Variants in ARRDC3 observed in about 807,000 individuals in gnomAD.
ARRDC3 encodes the protein arrestin domain-containing protein 3.
Under a neutral mutation model 47.2 loss-of-function variants are expected in ARRDC3, and 10 were observed. That is an observed-to-expected ratio of 0.21 (90% CI 0.13 to 0.36). The LOEUF is 0.36. ARRDC3 is among the 10% of genes least tolerant of loss of function. The pLI is 1.00. For synonymous variants in ARRDC3, 156 were observed against 178.3 expected, an observed-to-expected ratio of 0.87 and a Z score of 1.00; for missense variants, 381 against 503.6, an observed-to-expected ratio of 0.76 and a Z score of 2.33.
chr5:91,382,018 ATC>A (rs1002717361), intron 1 of ARRDC3, among the ~76,000 whole-genome samples: 1 of 152,206 alleles, frequency 6.6e-6, no homozygotes, highest in Non-Finnish European at 1.5e-5. Flanking sequence ...ACAACCCTTT[ATC>A]TCTCTCTTCT....
intron 2 of ARRDC3, 53 bp from the exon 3 acceptor site, chr5:91,376,821 T>G (rs925489046): frequency 3.3e-6 from 5 of 1,503,500 alleles, no homozygotes; most frequent in Non-Finnish European, 4.5e-6. Flanking sequence ...TTCTAACAAT[T>G]ACACAGTAGG....
Position 91,375,013 on chromosome 5 carries a change from G to C in ARRDC3, c.779C>G (p.Thr260Arg). The C allele has an allele frequency of 1.2e-6, 2 of 1,614,220 alleles. No individual in the cohort carries two copies. The highest frequency in any genetic ancestry group is 1.7e-6 in the Non-Finnish European group (2 of 1,180,020). ...CAGCAACTTGCCATTCCACGTCTCT[G>C]TCTTTCCAGATGATAAGGATTCCCC... ...LRGESLSSGK[T>R]ETWNGKLLKI... The change falls in exon 5 of 8, where the codon ACA (threonine) becomes AGA (arginine). Residue 260 changes from threonine (T) to arginine (R), a missense_variant. Coordinates refer to ENST00000265138, the MANE Select transcript of ARRDC3 (RefSeq NM_020801.4).
At chr5:91,373,334 C>T (rs558597720) in intron 7 of ARRDC3, among the ~76,000 whole-genome samples, 2 of 152,216 alleles carry the variant, frequency 1.3e-5, no homozygotes, top group East Asian at 3.9e-4. Flanking sequence ...ATAAATTCTA[C>T]TATTTAATCA....
At chr5:91,373,323 GAT>G (rs1160151549) in intron 7 of ARRDC3, among the ~76,000 whole-genome samples, 1 of 152,120 alleles carries the variant, frequency 6.6e-6, no homozygotes, top group Non-Finnish European at 1.5e-5. Context: ...TCATGAATAA[GAT>G]AAATTCTACT....
chr5:91,377,882 A>G (rs1302956675), intron 2 of ARRDC3, among the ~76,000 whole-genome samples: 1 of 152,060 alleles, frequency 6.6e-6, no homozygotes, highest in African/African-American at 2.4e-5. Flanking sequence ...ATAACATCTC[A>G]AGCACTAGAA....
At chr5:91,373,249 G>A (rs922321159) in intron 7 of ARRDC3, among the ~76,000 whole-genome samples, 2 of 152,146 alleles carry the variant, frequency 1.3e-5, no homozygotes, top group African/African-American at 4.8e-5. Flanking sequence ...GTTGTTTTAA[G>A]ATGTTATCAC....
At chr5:91,373,894 A>G in intron 6 of ARRDC3, 56 bp from the exon 7 acceptor site, 1 of 1,607,052 alleles carries the variant, frequency 6.2e-7, no homozygotes, top group Non-Finnish European at 8.5e-7. Flanking sequence ...ATGTCAAAAT[A>G]CACAGAATAG....
chr5:91,380,647 A>G (rs1582377964), intron 1 of ARRDC3: 1 of 152,360 alleles, frequency 6.6e-6, no homozygotes, highest in South Asian at 2.1e-4. Flanking sequence ...CTAAGGGGAA[A>G]ACAAGCGTTC....
chr5:91,380,369 AC>A (rs1284408861), intron 1 of ARRDC3: 2 of 152,392 alleles, frequency 1.3e-5, no homozygotes, highest in Non-Finnish European at 2.9e-5. Context: ...CCAGCCGGCG[AC>A]CGGTTCCATC....
At position 91,371,139 on chromosome 5, in the gene ARRDC3, G is replaced by A; in HGVS notation, c.*261C>T. The A allele has an allele frequency of 2.5e-6, 1 of 405,518 alleles. No homozygotes were observed. 25.1% of individuals were successfully genotyped at this position (405,518 alleles called of 1,614,324 possible). A position where few individuals can be genotyped will look rare whatever the true frequency, so the allele number is the denominator to read the frequency against. On this transcript the variant is annotated 3_prime_UTR_variant, in exon 8 of 8. Coordinates refer to ENST00000265138, the MANE Select transcript of ARRDC3 (RefSeq NM_020801.4). ...TACAACGTGATGTCTTGACACGTAC[G>A]ACCATAGGCTAAGAAGACTGCTCTG... is the stretch of plus-strand genomic sequence containing the variant.
rs1799095595 is a variant in ARRDC3 at position 91,368,678 on chromosome 5, T to G, written c.*2722A>C. 6.6e-6 allele frequency: 1 copy of G among 152,362 alleles called. No individual in the cohort carries two copies. The highest frequency in any genetic ancestry group is 2.4e-5 in the African/African-American group (1 of 41,440). 9.4% of individuals were successfully genotyped at this position (152,362 alleles called of 1,614,324 possible). Reference sequence around the variant, plus strand: ...GTTTAATTTAATGTGTTTGCATGTATGGTGAGTTACTAATATGATCAAGAT... The same window carrying G: ...GTTTAATTTAATGTGTTTGCATGTAGGGTGAGTTACTAATATGATCAAGAT... On this transcript the variant is annotated 3_prime_UTR_variant, in exon 8 of 8. Coordinates refer to ENST00000265138, the MANE Select transcript of ARRDC3 (RefSeq NM_020801.4).
rs1469199934 is a variant in ARRDC3 at position 91,370,856 on chromosome 5, CATGTGCATACGCAGGTA to C, written c.*527_*543del. 1 of 152,388 alleles carries C rather than the reference CATGTGCATACGCAGGTA, an allele frequency of 6.6e-6. No homozygotes were observed. The highest frequency in any genetic ancestry group is 1.5e-5 in the Non-Finnish European group (1 of 68,104). 9.4% of individuals were successfully genotyped at this position (152,388 alleles called of 1,614,324 possible). ...AGTCAGCCTAGTAGACAATTCTGAG[CATGTGCATACGCAGGTA>C]AAGTCCAGGCTATATTAAATAAAAA... On this transcript the variant is annotated 3_prime_UTR_variant, in exon 8 of 8. Coordinates refer to ENST00000265138, the MANE Select transcript of ARRDC3 (RefSeq NM_020801.4).
intron 3 of ARRDC3, among the ~76,000 whole-genome samples, chr5:91,376,187 A>T (rs1436057239): frequency 6.6e-6 from 1 of 152,222 alleles, no homozygotes; most frequent in Non-Finnish European, 1.5e-5. Flanking sequence ...TAATGAAACT[A>T]ATGATTCCCC....
intron 3 of ARRDC3, 145 bp downstream of exon 3, chr5:91,376,476 C>A: frequency 1.4e-6 from 1 of 735,904 alleles, no homozygotes; most frequent in South Asian, 2.1e-5. Flanking sequence ...GTGTTCTTGA[C>A]TGTATTTAAG....
intron 5 of ARRDC3, 63 bp from the exon 6 acceptor site, chr5:91,374,339 A>G (rs1252879901): frequency 6.9e-7 from 1 of 1,446,318 alleles, no homozygotes; most frequent in Non-Finnish European, 9.5e-7. Flanking sequence ...TCAAAAACTC[A>G]TAACCAATTT....
At position 91,370,165 on chromosome 5, in the gene ARRDC3, T is replaced by C. The variant is rs1483507506; in HGVS notation, c.*1235A>G. 2 of 152,352 alleles carry C rather than the reference T, an allele frequency of 1.3e-5. No homozygotes were observed. The highest frequency in any genetic ancestry group is 4.8e-5 in the African/African-American group (2 of 41,458). 9.4% of individuals were successfully genotyped at this position (152,352 alleles called of 1,614,324 possible). On this transcript the variant is annotated 3_prime_UTR_variant, in exon 8 of 8. Coordinates refer to ENST00000265138, the MANE Select transcript of ARRDC3 (RefSeq NM_020801.4). ...ATGTATGTATTCCTGCTCATTAATA[T>C]ACTTTGCACCAGCAAAAGCGATTTC...
At chr5:91,374,398 T>A (rs1799251455) in intron 5 of ARRDC3, 122 bp from the exon 6 acceptor site, 1 of 834,946 alleles carries the variant, frequency 1.2e-6, no homozygotes. Flanking sequence ...CTTACATACA[T>A]GAAAAGTTTC....
intron 2 of ARRDC3, among the ~76,000 whole-genome samples, chr5:91,377,711 C>T (rs549546348): frequency 2.6e-4 from 39 of 151,848 alleles, no homozygotes; most frequent in South Asian, 8.3e-4. Context: ...CATTAAATGA[C>T]GCTGAAAATA....
Position 91,369,914 on chromosome 5 carries a change from T to C in ARRDC3, c.*1486A>G, listed in dbSNP as rs577498205. Reference sequence around the variant, plus strand: ...GTGATTGTTCTTCCTATGTAATCTATACATAATCAAAGTGAGTGATTTCTC... The same window carrying C: ...GTGATTGTTCTTCCTATGTAATCTACACATAATCAAAGTGAGTGATTTCTC... On this transcript the variant is annotated 3_prime_UTR_variant, in exon 8 of 8. Coordinates refer to ENST00000265138, the MANE Select transcript of ARRDC3 (RefSeq NM_020801.4). 1 of 152,330 alleles carries C rather than the reference T, an allele frequency of 6.6e-6. No individual in the cohort carries two copies. Among genetic ancestry groups the C allele is most frequent in the South Asian group, 2.1e-4 (1 of 4,828 alleles). The allele number at this position is 152,330 out of a possible 1,614,324, so 9.4% of individuals were successfully genotyped here. A position where few individuals can be genotyped will look rare whatever the true frequency, so the allele number is the denominator to read the frequency against.
Sources: allele counts gnomAD v4.1 joint callset (sites outside exome capture counted in the v4.1 genomes callset), GRCh38; gene constraint gnomAD v4.1.1; transcripts MANE v1.5; gene names NCBI Gene and HGNC (gene_info 2026-07-23, HGNC 2026-07-21).